Variants in GRAMD1B observed in about 807,000 individuals in gnomAD.
GRAMD1B encodes GRAM domain containing 1B.
GRAMD1B carries 37 observed loss-of-function variants against 99.7 expected under a neutral mutation model. The observed-to-expected ratio is 0.37, with a 90% confidence interval of 0.29 to 0.49. The LOEUF (loss-of-function observed/expected upper bound fraction) is 0.49. Ranked by LOEUF, GRAMD1B falls within the 20% of genes least tolerant of loss-of-function variation. The pLI is 0.98. For synonymous variants in GRAMD1B, 427 were observed against 387.6 expected (o/e 1.10, Z -1.19); for missense variants, 888 against 1,009.2 (o/e 0.88, Z 1.63).
At chr11:123,482,559 A>G (rs1432726029) in intron 2 of GRAMD1B, among the ~76,000 whole-genome samples, 1 of 152,268 alleles carries the variant, frequency 6.6e-6, no homozygotes, top group African/African-American at 2.4e-5. Flanking sequence ...TGAAACAATA[A>G]TATGACACAA....
intron 1 of GRAMD1B, among the ~76,000 whole-genome samples, chr11:123,399,596 C>CTTTTGT (rs1329238728): frequency 6.8e-6 from 1 of 146,208 alleles, no homozygotes; most frequent in Admixed American, 6.9e-5. Flanking sequence ...ACCATACCAA[C>CTTTTGT]ACTTACCTTT....
intron 2 of GRAMD1B, among the ~76,000 whole-genome samples, chr11:123,494,220 T>C (rs115307677): frequency 0.026 from 4,033 of 152,276 alleles, 84 homozygotes; most frequent in African/African-American, 0.041. Context: ...GCTGACATTC[T>C]AGGATCATGG....
intron 2 of GRAMD1B, among the ~76,000 whole-genome samples, chr11:123,563,086 T>G (rs1946955692): frequency 6.6e-6 from 1 of 152,166 alleles, no homozygotes; most frequent in Non-Finnish European, 1.5e-5. Context: ...GAGGGAGCCA[T>G]CGCCATGTTA....
At chr11:123,582,742 G>A (rs1054896019) in intron 3 of GRAMD1B, among the ~76,000 whole-genome samples, 7 of 152,020 alleles carry the variant, frequency 4.6e-5, no homozygotes, top group African/African-American at 1.7e-4. Context: ...ATGGCCACTG[G>A]TCATCACCGC....
rs970537339 is a variant in GRAMD1B at position 123,591,883 on chromosome 11, C to T, written c.685-2199C>T. ...TTAGCAGGCCAGGGCTGGATTCACT[C>T]TCCCCTCTCCCTGCCACTGCTACAG... On this transcript the variant is annotated intron_variant, in intron 4 of 19. Coordinates refer to ENST00000635736, the MANE Select transcript of GRAMD1B (RefSeq NM_001387025.1). The surrounding 1 kb of genome is among the most constrained non-coding windows in gnomAD (Gnocchi z 4.7). 6.6e-6 allele frequency among the ~76,000 whole-genome samples: 1 copy of T among 152,200 alleles called. No individual in the cohort carries two copies. The highest frequency in any genetic ancestry group is 2.4e-5 in the African/African-American group (1 of 41,450).
At chr11:123,388,782 T>G (rs1011646404) in intron 1 of GRAMD1B, among the ~76,000 whole-genome samples, 1 of 152,206 alleles carries the variant, frequency 6.6e-6, no homozygotes, top group Admixed American at 6.5e-5. Flanking sequence ...GTCATCAGCC[T>G]GCAACCTGCA....
intron 1 of GRAMD1B, among the ~76,000 whole-genome samples, chr11:123,477,178 TTC>T (rs1281371803): frequency 6.7e-6 from 1 of 148,776 alleles, no homozygotes; most frequent in Non-Finnish European, 1.5e-5. Flanking sequence ...TTCTTTCTTT[TTC>T]TCTTTCTTTC....
intron 1 of GRAMD1B, among the ~76,000 whole-genome samples, chr11:123,450,650 C>T (rs1170819893): frequency 2.6e-5 from 4 of 152,260 alleles, no homozygotes; most frequent in Admixed American, 1.3e-4. Flanking sequence ...CTTTGAAGAG[C>T]GATATGGGAG....
intron 1 of GRAMD1B, among the ~76,000 whole-genome samples, chr11:123,446,561 GC>G (rs1337537258): frequency 6.6e-6 from 1 of 152,190 alleles, no homozygotes; most frequent in African/African-American, 2.4e-5. Flanking sequence ...ACAGTCGCCT[GC>G]CCATTCAGAA....
At chr11:123,392,719 A>G (rs1947323904) in intron 1 of GRAMD1B, among the ~76,000 whole-genome samples, 1 of 152,160 alleles carries the variant, frequency 6.6e-6, no homozygotes, top group Non-Finnish European at 1.5e-5. Flanking sequence ...TGAATCCAAT[A>G]AAAGAAAGGC....
chr11:123,579,784 C>T (rs182588502), intron 3 of GRAMD1B, among the ~76,000 whole-genome samples: 9 of 152,186 alleles, frequency 5.9e-5, no homozygotes, highest in East Asian at 1.9e-4. Context: ...CTGTAAGCTC[C>T]GAGGTAGGAT....
At chr11:123,551,246 T>G (rs534253199) in intron 2 of GRAMD1B, among the ~76,000 whole-genome samples, 1 of 152,320 alleles carries the variant, frequency 6.6e-6, no homozygotes, top group Non-Finnish European at 1.5e-5. Flanking sequence ...GGGGCGTTTT[T>G]TTGGGCGAGG....
intron 4 of GRAMD1B, among the ~76,000 whole-genome samples, chr11:123,589,364 A>G (rs1232084966): frequency 6.6e-6 from 1 of 151,328 alleles, no homozygotes; most frequent in Admixed American, 6.6e-5. Context: ...TTGTTAGGGG[A>G]GGGTTTGCAG....
At chr11:123,408,745 C>T (rs1947939564) in intron 1 of GRAMD1B, among the ~76,000 whole-genome samples, 1 of 152,256 alleles carries the variant, frequency 6.6e-6, no homozygotes, top group Admixed American at 6.5e-5. Context: ...TGTACTGGGA[C>T]TCTGGTAGGA....
At chr11:123,554,010 C>T (rs998458524) in intron 2 of GRAMD1B, among the ~76,000 whole-genome samples, 22 of 152,140 alleles carry the variant, frequency 1.4e-4, no homozygotes, top group Non-Finnish European at 2.9e-5. Context: ...TCTATATACC[C>T]TCTGTTTCCT....
chr11:123,457,451 G>A (rs1244141378), intron 1 of GRAMD1B, among the ~76,000 whole-genome samples: 1 of 152,200 alleles, frequency 6.6e-6, no homozygotes, highest in Non-Finnish European at 1.5e-5. Context: ...CAATCTTTGT[G>A]TCTTCCACTT....
intron 2 of GRAMD1B, among the ~76,000 whole-genome samples, chr11:123,508,739 G>A (rs1168779538): frequency 6.6e-6 from 1 of 151,906 alleles, no homozygotes; most frequent in Non-Finnish European, 1.5e-5. Context: ...AGGCTGGAGT[G>A]CAATGGCATG....
rs11219155 is a variant in GRAMD1B at position 123,469,754 on chromosome 11, T to C, written c.375-11062T>C. ...TTCTTTCTTTCTCTTTCTTTCTTTC[T>C]TTCCTTCTTTCTTTCTCTTTCTTTC... On this transcript the variant is annotated intron_variant, in intron 1 of 19. Transcript: ENST00000635736. Among the ~76,000 whole-genome samples the C allele has an allele frequency of 6.9e-3, 865 of 125,142 alleles. 19 individuals carry two copies. Among genetic ancestry groups the C allele is most frequent in the East Asian group, 0.034 (140 of 4,156 alleles). The allele number at this position is 125,142 out of a possible 152,430, so 82.1% of individuals were successfully genotyped here. A position where few individuals can be genotyped will look rare whatever the true frequency, so the allele number is the denominator to read the frequency against.
chr11:123,584,744 T>C (rs1949893469), intron 4 of GRAMD1B, among the ~76,000 whole-genome samples: 1 of 152,152 alleles, frequency 6.6e-6, no homozygotes, highest in Admixed American at 6.5e-5. Context: ...CCCCCATTGA[T>C]AGAAGAGTCA....
Sources: allele counts gnomAD v4.1 joint callset (sites outside exome capture counted in the v4.1 genomes callset), GRCh38; gene constraint gnomAD v4.1.1; non-coding constraint Gnocchi (gnomAD v3.1); transcripts MANE v1.5; gene names NCBI Gene and HGNC (gene_info 2026-07-23, HGNC 2026-07-21).